CADM2: variants seen among roughly 807,000 people sequenced by gnomAD.
CADM2 encodes cell adhesion molecule 2.
CADM2 carries 12 observed loss-of-function variants against 49.8 expected under a neutral mutation model. The ratio of observed to expected loss-of-function variants is 0.24; its 90% CI spans 0.15 to 0.39. CADM2 has a LOEUF of 0.39. Ranked by LOEUF, CADM2 falls within the 10% of genes least tolerant of loss-of-function variation. The pLI, the probability that CADM2 is intolerant of heterozygous loss-of-function variation, is 1.00. For missense variants in CADM2, 378 were observed against 492.3 expected (o/e 0.77, Z 2.20); for synonymous variants, 214 against 175.4 (o/e 1.22, Z -1.74).
At chr3:85,940,164 C>CAAAAAAAAAA (rs10527231) in intron 7 of CADM2, among the ~76,000 whole-genome samples, 4 of 52,146 alleles carry the variant, frequency 7.7e-5, no homozygotes, top group Non-Finnish European at 1.2e-4. Context: ...ACTAAAAATA[C>CAAAAAAAAAA]AAAAAAAAAA....
At chr3:85,224,330 G>T (rs542657832) in intron 1 of CADM2, among the ~76,000 whole-genome samples, 9 of 152,086 alleles carry the variant, frequency 5.9e-5, no homozygotes, top group Non-Finnish European at 1.0e-4. Flanking sequence ...AGGTTTTGAT[G>T]TGCATTTCTC....
chr3:85,915,996 A>G (rs903334465), intron 6 of CADM2, among the ~76,000 whole-genome samples: 2 of 152,282 alleles, frequency 1.3e-5, no homozygotes, highest in Admixed American at 6.5e-5. Context: ...CAAGAGGCAT[A>G]ATGAAAAAAG....
At chr3:85,885,134 G>GT (rs562828456) in intron 4 of CADM2, among the ~76,000 whole-genome samples, 5 of 151,852 alleles carry the variant, frequency 3.3e-5, no homozygotes, top group South Asian at 2.1e-4. Context: ...TGTTTTGTGA[G>GT]TTTTTTTTCT....
In CADM2 at chr3:85,123,683, A is replaced by T. The variant is rs573600935; in HGVS notation, c.61+164015A>T. ...GGAGGCAAATTGTTTAATTAAACAT[A>T]TATATTTATATATATGTGCACACAC... On this transcript the variant is annotated intron_variant, in intron 1 of 9. Transcript: ENST00000383699. 2.6e-5 allele frequency among the ~76,000 whole-genome samples: 4 copies of T among 152,254 alleles called. No individual in the cohort carries two copies. In the East Asian group the frequency reaches 7.7e-4, roughly 29 times the overall value.
At chr3:85,726,448 G>T in intron 1 of CADM2, 74 bp from the exon 2 acceptor site, 1 of 1,512,058 alleles carries the variant, frequency 6.6e-7, no homozygotes. Flanking sequence ...TAACATCTCT[G>T]CTTTCTTACT....
intron 8 of CADM2, among the ~76,000 whole-genome samples, chr3:86,026,749 G>C (rs1462020503): frequency 6.6e-6 from 1 of 152,188 alleles, no homozygotes; most frequent in Non-Finnish European, 1.5e-5. Flanking sequence ...CTCCGTGTTG[G>C]TGTGATTGCT....
At chr3:85,042,263 C>T (rs904193029) in intron 1 of CADM2, among the ~76,000 whole-genome samples, 24 of 152,144 alleles carry the variant, frequency 1.6e-4, no homozygotes, top group African/African-American at 5.3e-4. Flanking sequence ...TTCAACCCAG[C>T]TATTAGTCGT....
At chr3:85,554,556 GA>G (rs1434303522) in intron 1 of CADM2, among the ~76,000 whole-genome samples, 6 of 152,168 alleles carry the variant, frequency 3.9e-5, no homozygotes, top group Non-Finnish European at 8.8e-5. Flanking sequence ...ATTAAGTAGA[GA>G]TGTACAGGAT....
chr3:85,645,102 C>G (rs1212432788), intron 1 of CADM2, among the ~76,000 whole-genome samples: 1 of 151,866 alleles, frequency 6.6e-6, no homozygotes, highest in African/African-American at 2.4e-5. Flanking sequence ...CTGATACTTT[C>G]TCTCATCTAG....
At chr3:85,747,828 T>C (rs1283582644) in intron 2 of CADM2, among the ~76,000 whole-genome samples, 1 of 152,122 alleles carries the variant, frequency 6.6e-6, no homozygotes, top group Non-Finnish European at 1.5e-5. Flanking sequence ...TGATTTACTT[T>C]TTAATATTAC....
At chr3:85,863,440 G>C (rs1335510645) in intron 3 of CADM2, among the ~76,000 whole-genome samples, 2 of 152,156 alleles carry the variant, frequency 1.3e-5, no homozygotes, top group Non-Finnish European at 2.9e-5. Context: ...GCCTTTAAGA[G>C]GTGATTAAGT....
At chr3:85,147,867 A>G (rs2039801232) in intron 1 of CADM2, among the ~76,000 whole-genome samples, 1 of 152,184 alleles carries the variant, frequency 6.6e-6, no homozygotes, top group Non-Finnish European at 1.5e-5. Context: ...ATGTTTTGTT[A>G]ACATTTAAAA....
rs1399897437 is a variant in CADM2 at position 85,462,889 on chromosome 3, G to C, written c.62-263633G>C. Among the ~76,000 whole-genome samples the C allele has an allele frequency of 2.0e-5, 3 of 152,096 alleles. No individual in the cohort carries two copies. The East Asian group carries it at 5.8e-4, about 29-fold the overall frequency. On this transcript the variant is annotated intron_variant, in intron 1 of 9. Coordinates refer to ENST00000383699, the MANE Select transcript of CADM2 (RefSeq NM_001167675.2). ...ACCACATTACTGAAAAAAGGTCTCA[G>C]TGTTAACCTAGTAGTTGTAGTTCAG...
rs566784311 is a variant in CADM2 at position 85,580,500 on chromosome 3, T to C, written c.62-146022T>C. ...CAACGGTATTGGAATGAAAGGGTGA[T>C]GCGGGTGGTAAAGGTGGCTTGTGGC... On this transcript the variant is annotated intron_variant, in intron 1 of 9. Transcript: ENST00000383699. 5.3e-5 allele frequency among the ~76,000 whole-genome samples: 8 copies of C among 152,246 alleles called. No homozygotes were observed. In the East Asian group the frequency reaches 1.5e-3, roughly 29 times the overall value.
chr3:85,857,432 G>A (rs1438366710), intron 3 of CADM2, among the ~76,000 whole-genome samples: 1 of 152,154 alleles, frequency 6.6e-6, no homozygotes, highest in Non-Finnish European at 1.5e-5. Flanking sequence ...AATACTTATG[G>A]CAGAGTCCTC....
At chr3:85,686,010 A>G (rs999045522) in intron 1 of CADM2, among the ~76,000 whole-genome samples, 26 of 152,224 alleles carry the variant, frequency 1.7e-4, no homozygotes, top group Admixed American at 1.6e-3. Flanking sequence ...AGAGTGTATT[A>G]TAAATTCAAT....
chr3:85,984,534 G>T (rs1456377326), intron 8 of CADM2, among the ~76,000 whole-genome samples: 6 of 151,698 alleles, frequency 4.0e-5, no homozygotes, highest in Admixed American at 6.6e-5. Flanking sequence ...ATTTATAACT[G>T]AACTTTTATA....
chr3:85,908,718 T>C lies in CADM2; in HGVS notation c.530-3655T>C, dbSNP rs891437925. Among the ~76,000 whole-genome samples the C allele has an allele frequency of 3.9e-4, 52 of 132,092 alleles. 1 individual carries two copies. In the Admixed American group the frequency reaches 4.3e-3, roughly 11 times the overall value. 86.7% of individuals were successfully genotyped at this position (132,092 alleles called of 152,430 possible). On this transcript the variant is annotated intron_variant, in intron 5 of 9. Transcript: ENST00000383699. ...CTCAATTGTAATTATTATAATAACT[T>C]ACGGTTATGATTTTTTTTTTTTTTG...
intron 1 of CADM2, among the ~76,000 whole-genome samples, chr3:85,567,640 C>CAGAT (rs77984526): frequency 0.51 from 77,066 of 151,024 alleles, 22,660 homozygotes; most frequent in East Asian, 0.85. Context: ...GAATCAATTC[C>CAGAT]AGATAGATAG....
Sources: allele counts gnomAD v4.1 joint callset (sites outside exome capture counted in the v4.1 genomes callset), GRCh38; gene constraint gnomAD v4.1.1; transcripts MANE v1.5; gene names NCBI Gene and HGNC (gene_info 2026-07-23, HGNC 2026-07-21).